Variants in PTPRC observed in about 807,000 individuals in gnomAD.
PTPRC encodes protein tyrosine phosphatase receptor type C.
Under a neutral mutation model 155.9 loss-of-function variants are expected in PTPRC, and 44 were observed. That is an observed-to-expected ratio of 0.28 (90% CI 0.22 to 0.36). The LOEUF (loss-of-function observed/expected upper bound fraction) is 0.36, where lower values mean the gene tolerates loss of function less well. PTPRC is among the 10% of genes least tolerant of loss of function. PTPRC has a pLI of 1.00. For missense variants in PTPRC, 1,401 were observed against 1,564.6 expected (o/e 0.90, Z 1.76); for synonymous variants, 525 against 533.1 (o/e 0.98, Z 0.21).
intron 5 of PTPRC, among the ~76,000 whole-genome samples, chr1:198,702,000 C>G (rs1214937876): frequency 6.6e-6 from 1 of 152,224 alleles, no homozygotes; most frequent in Non-Finnish European, 1.5e-5. Flanking sequence ...CTTTTACACT[C>G]AGAGCTCTAC....
intron 23 of PTPRC, among the ~76,000 whole-genome samples, chr1:198,736,790 A>G (rs1364254029): frequency 6.6e-6 from 1 of 151,618 alleles, no homozygotes; most frequent in Non-Finnish European, 1.5e-5. Flanking sequence ...TGTTGTACTA[A>G]TTTACTTTCT....
At chr1:198,661,704 C>T (rs2102255990) in intron 2 of PTPRC, among the ~76,000 whole-genome samples, 1 of 152,082 alleles carries the variant, frequency 6.6e-6, no homozygotes, top group East Asian at 1.9e-4. Flanking sequence ...CACTGAGAAC[C>T]ACTGATACGC....
chr1:198,664,277 G>T (rs898230631), intron 2 of PTPRC, among the ~76,000 whole-genome samples: 1 of 152,110 alleles, frequency 6.6e-6, no homozygotes, highest in African/African-American at 2.4e-5. Context: ...GAAAATATTT[G>T]TTTTAAATAT....
At chr1:198,755,523 T>TTAA (rs1241139475) in intron 32 of PTPRC, among the ~76,000 whole-genome samples, 1 of 152,038 alleles carries the variant, frequency 6.6e-6, no homozygotes, top group African/African-American at 2.4e-5. Flanking sequence ...ATGAGGGCAT[T>TTAA]TAATTTAAAC....
At chr1:198,675,025 T>G (rs1664870265) in intron 2 of PTPRC, among the ~76,000 whole-genome samples, 2 of 152,152 alleles carry the variant, frequency 1.3e-5, no homozygotes, top group Non-Finnish European at 2.9e-5. Context: ...TTGTGACGGT[T>G]TTCTGTCTTT....
At chr1:198,672,065 T>G (rs1218222903) in intron 2 of PTPRC, among the ~76,000 whole-genome samples, 2 of 152,244 alleles carry the variant, frequency 1.3e-5, no homozygotes, top group Non-Finnish European at 2.9e-5. Flanking sequence ...GTTTTGCTTT[T>G]TTCCTGTAAC....
intron 24 of PTPRC, 71 bp downstream of exon 24, chr1:198,742,097 T>C (rs1372408960): frequency 6.2e-7 from 1 of 1,602,994 alleles, no homozygotes. Context: ...CCTAGGGCTG[T>C]TAGAGACATC....
At chr1:198,714,534 G>A (rs1007765694) in intron 12 of PTPRC, among the ~76,000 whole-genome samples, 1 of 152,162 alleles carries the variant, frequency 6.6e-6, no homozygotes, top group Admixed American at 6.5e-5. Context: ...CTAGCTATCA[G>A]GCTGTGTGTT....
At chr1:198,676,928 CT>C (rs1234711657) in intron 2 of PTPRC, among the ~76,000 whole-genome samples, 4 of 152,150 alleles carry the variant, frequency 2.6e-5, no homozygotes, top group African/African-American at 9.7e-5. Flanking sequence ...TATTTAGATT[CT>C]TACCCTATTC....
intron 26 of PTPRC, among the ~76,000 whole-genome samples, chr1:198,747,803 C>T (rs996624709): frequency 6.6e-6 from 1 of 151,826 alleles, no homozygotes; most frequent in African/African-American, 2.4e-5. Context: ...AGATCAACAT[C>T]GGTCTAGTGG....
intron 13 of PTPRC, among the ~76,000 whole-genome samples, chr1:198,717,591 G>T (rs1192865301): frequency 1.3e-5 from 2 of 152,200 alleles, no homozygotes; most frequent in African/African-American, 4.8e-5. Context: ...AAAAGTTCTG[G>T]TCCTGGAGCT....
At chr1:198,752,163 A>AGAG in intron 29 of PTPRC, 86 bp from the exon 30 acceptor site, 1 of 1,427,696 alleles carries the variant, frequency 7.0e-7, no homozygotes, top group Non-Finnish European at 9.9e-7. Context: ...AGGCACAGAC[A>AGAG]GAGAAAGAAA....
rs1011811934 is a variant in PTPRC at position 198,734,387 on chromosome 1, G to T, written c.2239G>T (p.Val747Phe). The change falls in exon 22 of 33, where the codon GTT (valine) becomes TTT (phenylalanine). Residue 747 changes from valine to phenylalanine, a missense_variant. This residue lies in a region of PTPRC where 867 missense variants were observed against 970.4 expected (regional missense o/e 0.89). Coordinates refer to ENST00000442510, the MANE Select transcript of PTPRC (RefSeq NM_002838.5). ...WRMIWEQKAT[V>F]IVMVTRCEEG... ...GATGATTTGGGAACAGAAAGCCACA[G>T]TTATTGTCATGGTCACTCGATGTGA... 1 of 1,611,142 alleles carries T rather than the reference G, an allele frequency of 6.2e-7. No homozygotes were observed. The highest frequency in any genetic ancestry group is 8.5e-7 in the Non-Finnish European group (1 of 1,177,932).
At chr1:198,734,131 T>G in intron 20 of PTPRC, 65 bp from the exon 21 acceptor site, 1 of 1,494,356 alleles carries the variant, frequency 6.7e-7, no homozygotes, top group Non-Finnish European at 9.3e-7. Flanking sequence ...TAACTCACAA[T>G]TTTTCCTGTT....
At position 198,665,079 on chromosome 1, in the gene PTPRC, C is replaced by CCTTTTTTTTTTT. The variant is rs1557979011; in HGVS notation, c.73+25738_73+25739insCTTTTTTTTTTT. 1.4e-4 allele frequency among the ~76,000 whole-genome samples: 14 copies of CCTTTTTTTTTTT among 102,244 alleles called. 2 individuals carry two copies. Among genetic ancestry groups the CCTTTTTTTTTTT allele is most frequent in the Admixed American group, 3.1e-4 (3 of 9,588 alleles). The allele number at this position is 102,244 out of a possible 152,430, so 67.1% of individuals were successfully genotyped here. A position where few individuals can be genotyped will look rare whatever the true frequency, so the allele number is the denominator to read the frequency against. On this transcript the variant is annotated intron_variant, in intron 2 of 32. Coordinates refer to ENST00000442510, the MANE Select transcript of PTPRC (RefSeq NM_002838.5). Reference sequence around the variant, plus strand: ...GAGTGTTTTTAGAACATCCCGGCAGCATTTTTTTTTTTTTTTTTTTTTTTT... The same window carrying CCTTTTTTTTTTT: ...GAGTGTTTTTAGAACATCCCGGCAGCCTTTTTTTTTTTATTTTTTTTTTTTTTTTTTTTTTTT...
At chr1:198,684,643 A>G (rs1284913067) in intron 2 of PTPRC, among the ~76,000 whole-genome samples, 2 of 151,870 alleles carry the variant, frequency 1.3e-5, no homozygotes, top group African/African-American at 4.8e-5. Context: ...TTTAAATGTT[A>G]TCTTTTATTG....
intron 31 of PTPRC, among the ~76,000 whole-genome samples, 164 bp downstream of exon 31, chr1:198,752,936 T>G (rs970777004): frequency 6.6e-6 from 1 of 152,090 alleles, no homozygotes; most frequent in African/African-American, 2.4e-5. Context: ...ACAACTATTG[T>G]AGAAATATAA....
intron 26 of PTPRC, among the ~76,000 whole-genome samples, chr1:198,747,466 G>A (rs759490186): frequency 2.0e-5 from 3 of 151,812 alleles, no homozygotes; most frequent in African/African-American, 4.8e-5. Flanking sequence ...ATCTTCAGAA[G>A]AGCATCTTCT....
intron 2 of PTPRC, chr1:198,679,985 G>A: frequency 1.6e-6 from 1 of 617,618 alleles, no homozygotes; most frequent in Non-Finnish European, 2.9e-6. Context: ...TGCTGCGGCT[G>A]CCCGTCCACT....
Sources: gnomAD v4.1 joint callset for allele counts (sites outside exome capture counted in the v4.1 genomes callset) on GRCh38, gnomAD v4.1.1 for gene constraint, gnomAD v4.1.1 regional missense constraint, MANE v1.5 for transcripts, NCBI Gene and HGNC (gene_info 2026-07-23, HGNC 2026-07-21) for gene names.